Variants in SFMBT2 observed in about 807,000 individuals in gnomAD.
SFMBT2 encodes the protein Scm like with four mbt domains 2, also known as scm-like with four MBT domains protein 2.
A neutral mutation model predicts 110.1 loss-of-function variants in SFMBT2; 38 were observed. That is an observed-to-expected ratio of 0.35 (90% CI 0.27 to 0.45). The LOEUF (loss-of-function observed/expected upper bound fraction) is 0.45. Among genes scored for constraint, SFMBT2 ranks in the 20% least tolerant of loss-of-function variants. The pLI is 1.00. For missense variants in SFMBT2, 1,011 were observed against 1,094.9 expected (o/e 0.92, Z 1.08); for synonymous variants, 425 against 425.4 (o/e 1.00, Z 0.01).
chr10:7,233,693 C>G (rs771942621), intron 9 of SFMBT2, among the ~76,000 whole-genome samples: 32 of 152,334 alleles, frequency 2.1e-4, no homozygotes, highest in Non-Finnish European at 4.1e-4. Context: ...AGCAGCACTT[C>G]GGGGCATTTT....
Position 7,205,973 on chromosome 10 carries a change from C to T in SFMBT2, c.1331-45G>A, listed in dbSNP as rs755667906. 1.6e-5 allele frequency: 25 copies of T among 1,605,894 alleles called. No individual in the cohort carries two copies. In the Admixed American group the frequency reaches 3.9e-4, roughly 25 times the overall value. On this transcript the variant is annotated intron_variant, in intron 11 of 20. Coordinates refer to ENST00000397167, the MANE Select transcript of SFMBT2 (RefSeq NM_001387889.1). ...AACAAGAGGTACAAACAGATCTTAC[C>T]AACAAAGAAATAGAAGGACAACAAT...
chr10:7,389,999 T>C (rs1845723267), intron 1 of SFMBT2, among the ~76,000 whole-genome samples: 1 of 152,194 alleles, frequency 6.6e-6, no homozygotes, highest in Admixed American at 6.5e-5. Context: ...AGAAAGAACA[T>C]GCATTAGATA....
At position 7,298,266 on chromosome 10, in the gene SFMBT2, G is replaced by A. The variant is rs561272666; in HGVS notation, c.437-12312C>T. On this transcript the variant is annotated intron_variant, in intron 4 of 20. Coordinates refer to ENST00000397167, the MANE Select transcript of SFMBT2 (RefSeq NM_001387889.1). Reference sequence around the variant, plus strand: ...ACTTGCAGCTTCTCCTTCGAGTCTCGCTCCAAACCCTGACCATGACGTCCA... The same window carrying A: ...ACTTGCAGCTTCTCCTTCGAGTCTCACTCCAAACCCTGACCATGACGTCCA... Among the ~76,000 whole-genome samples the A allele has an allele frequency of 6.6e-5, 10 of 152,222 alleles. No homozygotes were observed. The East Asian group carries it at 9.7e-4, about 15-fold the overall frequency.
At chr10:7,363,414 T>A (rs563971888) in intron 4 of SFMBT2, among the ~76,000 whole-genome samples, 1 of 151,986 alleles carries the variant, frequency 6.6e-6, no homozygotes, top group Non-Finnish European at 1.5e-5. Flanking sequence ...AGTGGCGCGA[T>A]CTCGGCTCAC....
intron 4 of SFMBT2, among the ~76,000 whole-genome samples, chr10:7,343,241 C>T (rs1588464832): frequency 1.3e-5 from 2 of 151,618 alleles, no homozygotes; most frequent in South Asian, 4.2e-4. Context: ...TTAATGGCTG[C>T]GTAGTATTCC....
At chr10:7,336,590 G>A (rs1277174671) in intron 4 of SFMBT2, among the ~76,000 whole-genome samples, 2 of 152,144 alleles carry the variant, frequency 1.3e-5, no homozygotes, top group Non-Finnish European at 2.9e-5. Context: ...GGAGTTCAAG[G>A]ATGCAGTGAG....
At chr10:7,403,432 C>G (rs542043646) in intron 1 of SFMBT2, among the ~76,000 whole-genome samples, 2 of 152,258 alleles carry the variant, frequency 1.3e-5, no homozygotes, top group Admixed American at 6.5e-5. Flanking sequence ...CACTTGAGGT[C>G]AGGAGTTCAA....
intron 2 of SFMBT2, among the ~76,000 whole-genome samples, chr10:7,381,187 C>T (rs780861102): frequency 2.6e-5 from 4 of 152,150 alleles, no homozygotes; most frequent in African/African-American, 9.7e-5. Flanking sequence ...GGAAGGGAGA[C>T]GCACTTCACC....
chr10:7,228,389 A>C, intron 9 of SFMBT2: 3 of 783,498 alleles, frequency 3.8e-6, no homozygotes, highest in Non-Finnish European at 3.1e-6. Context: ...AAAAAAAAAA[A>C]ACAAAACAGT....
At chr10:7,366,574 C>T (rs973892083) in intron 4 of SFMBT2, among the ~76,000 whole-genome samples, 1 of 152,106 alleles carries the variant, frequency 6.6e-6, no homozygotes, top group Non-Finnish European at 1.5e-5. Flanking sequence ...CAGCTAGCTA[C>T]GAAGAGGACA....
intron 4 of SFMBT2, among the ~76,000 whole-genome samples, chr10:7,319,850 CAGAG>C (rs1182292327): frequency 4.2e-5 from 5 of 120,016 alleles, no homozygotes; most frequent in Non-Finnish European, 8.8e-5. Context: ...GACAGAGAGA[CAGAG>C]AGAGACACAG....
At chr10:7,394,629 T>G (rs1408266785) in intron 1 of SFMBT2, among the ~76,000 whole-genome samples, 3 of 151,806 alleles carry the variant, frequency 2.0e-5, no homozygotes, top group Admixed American at 1.3e-4. Flanking sequence ...CTGTCATTAA[T>G]AATGGTCTTG....
intron 8 of SFMBT2, among the ~76,000 whole-genome samples, chr10:7,244,819 G>C (rs975583186): frequency 1.3e-5 from 2 of 152,086 alleles, no homozygotes; most frequent in Non-Finnish European, 2.9e-5. Context: ...TTCTGTTCTT[G>C]CCTGTGCTAA....
chr10:7,332,852 T>C (rs1843605396), intron 4 of SFMBT2, among the ~76,000 whole-genome samples: 1 of 152,152 alleles, frequency 6.6e-6, no homozygotes, highest in Non-Finnish European at 1.5e-5. Flanking sequence ...ACAGTGAGTC[T>C]AATGGAGATG....
intron 11 of SFMBT2, chr10:7,207,467 G>GA (rs1479709157): frequency 6.0e-6 from 1 of 167,632 alleles, no homozygotes; most frequent in Non-Finnish European, 7.7e-6. Context: ...GAAAAAGAAA[G>GA]AAAGAGAAAG....
intron 4 of SFMBT2, among the ~76,000 whole-genome samples, chr10:7,312,955 A>C (rs185589412): frequency 6.6e-6 from 1 of 152,256 alleles, no homozygotes; most frequent in East Asian, 1.9e-4. Flanking sequence ...AAAGGACTGT[A>C]ATGAGAGGAT....
At chr10:7,320,058 CAGAG>C (rs750500190) in intron 4 of SFMBT2, among the ~76,000 whole-genome samples, 1 of 147,482 alleles carries the variant, frequency 6.8e-6, no homozygotes, top group African/African-American at 2.5e-5. Flanking sequence ...CAGACAGAGA[CAGAG>C]AGAGAGACAT....
rs869110068 is a variant in SFMBT2 at position 7,315,108 on chromosome 10, GA to G, written c.437-29155del. Among the ~76,000 whole-genome samples the G allele has an allele frequency of 1.6e-3, 208 of 132,846 alleles. 3 individuals are homozygous for G. Among genetic ancestry groups the G allele is most frequent in the Non-Finnish European group, 2.5e-3 (142 of 56,752 alleles). 87.2% of individuals were successfully genotyped at this position (132,846 alleles called of 152,430 possible). On this transcript the variant is annotated intron_variant, in intron 4 of 20. Transcript: ENST00000397167. Reference sequence around the variant, plus strand: ...AGAAAGAAAGAAAGAAAGAAAGAAAGAAAAAGCAAGCAAGCAAGCCAGCCAA... The same window carrying G: ...AGAAAGAAAGAAAGAAAGAAAGAAAGAAAAGCAAGCAAGCAAGCCAGCCAA...
At chr10:7,282,772 C>G (rs1841982658) in intron 6 of SFMBT2, among the ~76,000 whole-genome samples, 1 of 152,200 alleles carries the variant, frequency 6.6e-6, no homozygotes, top group Admixed American at 6.5e-5. Context: ...GTACTCAACA[C>G]TAACATCGGC....
Sources: gnomAD v4.1 joint callset for allele counts (sites outside exome capture counted in the v4.1 genomes callset) on GRCh38, gnomAD v4.1.1 for gene constraint, MANE v1.5 for transcripts, NCBI Gene and HGNC (gene_info 2026-07-23, HGNC 2026-07-21) for gene names.